The following BANK1 variants were observed in gnomAD, a reference collection of about 807,000 sequenced individuals.
BANK1 encodes the protein B cell scaffold protein with ankyrin repeats 1, also known as B-cell scaffold protein with ankyrin repeats.
BANK1 carries 95 observed loss-of-function variants against 94.5 expected under a neutral mutation model. The ratio of observed to expected loss-of-function variants is 1.00; its 90% CI spans 0.85 to 1.19. BANK1 has a LOEUF of 1.19. Ranked by LOEUF, BANK1 falls within the 50% of genes most tolerant of loss-of-function variation. The probability of loss-of-function intolerance (pLI) is 0.00; values close to 1 mark genes in which losing one functional copy is unlikely to be tolerated. For missense variants in BANK1, 987 were observed against 932.2 expected (o/e 1.06, Z -0.77); for synonymous variants, 334 against 308.4 (o/e 1.08, Z -0.87).
chr4:102,037,265 C>G (rs970608289), intron 10 of BANK1, among the ~76,000 whole-genome samples: 1 of 152,108 alleles, frequency 6.6e-6, no homozygotes, highest in African/African-American at 2.4e-5. Context: ...ACTGGACAGC[C>G]CCATAACAAA....
chr4:102,064,673 A>G (rs142557718), intron 13 of BANK1, among the ~76,000 whole-genome samples: 2 of 152,336 alleles, frequency 1.3e-5, no homozygotes, highest in South Asian at 2.1e-4. Flanking sequence ...AAATCTTTCT[A>G]TTGCACAGGA....
At chr4:101,849,157 G>A (rs1727372599) in intron 2 of BANK1, among the ~76,000 whole-genome samples, 1 of 152,156 alleles carries the variant, frequency 6.6e-6, no homozygotes, top group Non-Finnish European at 1.5e-5. Flanking sequence ...GGAGTCTCAT[G>A]GCAATTGCAG....
At chr4:101,855,354 C>T (rs1365559619) in intron 3 of BANK1, among the ~76,000 whole-genome samples, 165 bp downstream of exon 3, 2 of 152,118 alleles carry the variant, frequency 1.3e-5, no homozygotes, top group African/African-American at 4.8e-5. Flanking sequence ...GTTGAGATTG[C>T]AGGCATGAGC....
At chr4:101,891,396 T>C (rs1721864536) in intron 5 of BANK1, among the ~76,000 whole-genome samples, 1 of 152,150 alleles carries the variant, frequency 6.6e-6, no homozygotes, top group Non-Finnish European at 1.5e-5. Context: ...TTATTTATTT[T>C]TCACTTTTTT....
At chr4:101,928,270 A>C (rs1723228635) in intron 7 of BANK1, among the ~76,000 whole-genome samples, 1 of 151,652 alleles carries the variant, frequency 6.6e-6, no homozygotes, top group Non-Finnish European at 1.5e-5. Context: ...CTGTTTGTGG[A>C]AACAAGAGTG....
At chr4:101,801,411 TTAGA>T (rs529733090) in intron 1 of BANK1, among the ~76,000 whole-genome samples, 89 of 152,344 alleles carry the variant, frequency 5.8e-4, no homozygotes, top group Non-Finnish European at 7.4e-4. Context: ...AAATTTTCTG[TTAGA>T]TAGCAATGCA....
At chr4:101,979,686 T>A (rs780250820) in intron 7 of BANK1, among the ~76,000 whole-genome samples, 2 of 151,894 alleles carry the variant, frequency 1.3e-5, no homozygotes, top group Non-Finnish European at 2.9e-5. Flanking sequence ...CATTTACATA[T>A]GTGTATATGT....
intron 7 of BANK1, among the ~76,000 whole-genome samples, chr4:102,009,602 T>G (rs546323766): frequency 2.6e-5 from 4 of 152,318 alleles, no homozygotes; most frequent in South Asian, 2.1e-4. Context: ...CTTATTTTCC[T>G]TATTGTTTGG....
At chr4:101,936,018 G>A (rs924928264) in intron 7 of BANK1, among the ~76,000 whole-genome samples, 3 of 151,308 alleles carry the variant, frequency 2.0e-5, no homozygotes, top group Non-Finnish European at 4.4e-5. Flanking sequence ...GATTTCTTGA[G>A]TAAACCCCGC....
Position 101,829,108 on chromosome 4 carries a change from C to T in BANK1, c.71-700C>T, listed in dbSNP as rs1217842136. Among the ~76,000 whole-genome samples, 6 of 152,070 alleles carry T rather than the reference C, an allele frequency of 3.9e-5. No homozygotes were observed. The South Asian group carries it at 8.3e-4, about 21-fold the overall frequency. ...CGATCTCCTGACCTCGTGATCAGCC[C>T]GCCTCAGCCTCCCAAAGTGCTGGGA... On this transcript the variant is annotated intron_variant, in intron 1 of 16. Transcript: ENST00000322953.
chr4:101,998,382 A>G (rs1725951668), intron 7 of BANK1, among the ~76,000 whole-genome samples: 1 of 152,188 alleles, frequency 6.6e-6, no homozygotes, highest in Non-Finnish European at 1.5e-5. Flanking sequence ...GCTGAGAAGA[A>G]TGTATATTCT....
chr4:101,809,055 T>C (rs1292940640), intron 1 of BANK1, among the ~76,000 whole-genome samples: 1 of 152,232 alleles, frequency 6.6e-6, no homozygotes, highest in East Asian at 1.9e-4. Context: ...CACATCTGTT[T>C]ATAGCAGCAC....
At chr4:101,975,944 A>G (rs1186060943) in intron 7 of BANK1, among the ~76,000 whole-genome samples, 1 of 152,132 alleles carries the variant, frequency 6.6e-6, no homozygotes, top group Non-Finnish European at 1.5e-5. Context: ...CAGATATGCT[A>G]TCCTTTCTTT....
At chr4:101,895,657 TA>T (rs1722048258) in intron 6 of BANK1, among the ~76,000 whole-genome samples, 8 of 151,894 alleles carry the variant, frequency 5.3e-5, no homozygotes, top group Admixed American at 5.3e-4. Flanking sequence ...TCTTGACTTT[TA>T]CTCTAAGGAA....
intron 7 of BANK1, among the ~76,000 whole-genome samples, chr4:101,935,685 G>A (rs969793153): frequency 1.3e-5 from 2 of 151,458 alleles, no homozygotes; most frequent in Non-Finnish European, 3.0e-5. Context: ...GGTGTGCCTA[G>A]GGAATATATG....
chr4:101,852,503 T>TACAC (rs77031530), intron 2 of BANK1, among the ~76,000 whole-genome samples: 52 of 80,166 alleles, frequency 6.5e-4, no homozygotes, highest in African/African-American at 2.1e-3. Flanking sequence ...TATATATATA[T>TACAC]ACACACACAC....
At chr4:102,007,797 G>T (rs1004346823) in intron 7 of BANK1, among the ~76,000 whole-genome samples, 3 of 152,058 alleles carry the variant, frequency 2.0e-5, no homozygotes, top group African/African-American at 7.2e-5. Context: ...TGAAGTCATA[G>T]TGGTCATCCT....
intron 7 of BANK1, among the ~76,000 whole-genome samples, chr4:101,984,595 G>A (rs557175037): frequency 1.3e-5 from 2 of 152,076 alleles, no homozygotes; most frequent in East Asian, 1.9e-4. Context: ...ATAGTGTTAT[G>A]GAATAACAGT....
At chr4:101,924,953 A>C (rs1403170035) in intron 7 of BANK1, among the ~76,000 whole-genome samples, 1 of 151,708 alleles carries the variant, frequency 6.6e-6, no homozygotes, top group African/African-American at 2.4e-5. Flanking sequence ...AACTTCCCTC[A>C]ATTGAATAAT....
Sources: allele counts gnomAD v4.1 joint callset (sites outside exome capture counted in the v4.1 genomes callset), GRCh38; gene constraint gnomAD v4.1.1; transcripts MANE v1.5; gene names NCBI Gene and HGNC (gene_info 2026-07-23, HGNC 2026-07-21).